The following SCHIP1 variants were observed in gnomAD, a reference collection of about 807,000 sequenced individuals.
SCHIP1 encodes the protein schwannomin-interacting protein 1.
Under a neutral mutation model 29.7 loss-of-function variants are expected in SCHIP1, and 8 were observed. The observed-to-expected ratio is 0.27, with a 90% confidence interval of 0.16 to 0.49. The LOEUF (loss-of-function observed/expected upper bound fraction) is 0.49, where lower values mean the gene tolerates loss of function less well. Among genes scored for constraint, SCHIP1 ranks in the 20% least tolerant of loss-of-function variants. The pLI is 0.99. For synonymous variants in SCHIP1, 76 were observed against 94.9 expected (o/e 0.80, Z 1.16); for missense variants, 193 against 294.6 (o/e 0.66, Z 2.52).
intron 2 of SCHIP1, among the ~76,000 whole-genome samples, chr3:159,876,864 G>A (rs1368679380): frequency 6.6e-6 from 1 of 152,178 alleles, no homozygotes; most frequent in African/African-American, 2.4e-5. Context: ...GAGATGGAGT[G>A]CATCACCTTC....
chr3:159,656,623 C>A, the SCHIP1 span, among the ~76,000 whole-genome samples: 1 of 152,148 alleles, frequency 6.6e-6, no homozygotes, highest in African/African-American at 2.4e-5. Context: ...TCGGTTTTCT[C>A]ATCTGAATTA....
the SCHIP1 span, among the ~76,000 whole-genome samples, chr3:159,800,756 T>C: frequency 6.6e-6 from 1 of 151,930 alleles, no homozygotes; most frequent in Non-Finnish European, 1.5e-5. Flanking sequence ...GTGTGCGAGC[T>C]CAGATACCTT....
the SCHIP1 span, among the ~76,000 whole-genome samples, chr3:159,485,955 C>T: frequency 6.6e-6 from 1 of 152,136 alleles, no homozygotes; most frequent in Non-Finnish European, 1.5e-5. Context: ...TCAGTTCCTA[C>T]CTCCCAGGTG....
the SCHIP1 span, among the ~76,000 whole-genome samples, chr3:159,708,717 A>C: frequency 3.3e-3 from 510 of 152,296 alleles, 1 homozygote; most frequent in Non-Finnish European, 5.8e-3. Context: ...CGTACGCAGG[A>C]ACTAGCAAGC....
the SCHIP1 span, among the ~76,000 whole-genome samples, chr3:159,545,641 A>C: frequency 6.8e-6 from 1 of 147,946 alleles, no homozygotes; most frequent in African/African-American, 2.5e-5. Context: ...AATATATACA[A>C]TATACATATA....
the SCHIP1 span, among the ~76,000 whole-genome samples, chr3:159,795,209 T>C: frequency 6.6e-6 from 1 of 152,306 alleles, no homozygotes; most frequent in South Asian, 2.1e-4. Context: ...TAGAGCAGGA[T>C]AGAACCAAAC....
the SCHIP1 span, among the ~76,000 whole-genome samples, chr3:159,485,235 C>A: frequency 7.2e-5 from 11 of 152,164 alleles, no homozygotes; most frequent in African/African-American, 2.2e-4. Flanking sequence ...AGCTCAGGAG[C>A]CAGCCTGCCT....
At chr3:159,346,019 C>A in the SCHIP1 span, among the ~76,000 whole-genome samples, 2 of 151,808 alleles carry the variant, frequency 1.3e-5, no homozygotes, top group Non-Finnish European at 2.9e-5. Context: ...CAGAAGGAAA[C>A]CCTGTCTCTA....
the SCHIP1 span, among the ~76,000 whole-genome samples, chr3:159,502,198 A>G: frequency 2.6e-5 from 4 of 152,346 alleles, no homozygotes; most frequent in Non-Finnish European, 4.4e-5. Context: ...GGACAAAGAC[A>G]TACTAACCTC....
chr3:159,492,404 A>C, the SCHIP1 span, among the ~76,000 whole-genome samples: 1 of 152,236 alleles, frequency 6.6e-6, no homozygotes, highest in African/African-American at 2.4e-5. Context: ...AGAAGTCCTT[A>C]AAGGACCTGA....
chr3:159,797,459 C>G, the SCHIP1 span, among the ~76,000 whole-genome samples: 4 of 152,114 alleles, frequency 2.6e-5, no homozygotes, highest in Non-Finnish European at 5.9e-5. Flanking sequence ...TGTTATTAGT[C>G]TAATTCTGTG....
intron 6 of SCHIP1, chr3:159,893,625 CCCT>C (rs1466518280): frequency 6.6e-6 from 1 of 151,976 alleles, no homozygotes; most frequent in African/African-American, 2.4e-5. Context: ...AAGAAGAGGC[CCCT>C]CCTCTTCTCT....
At chr3:159,630,758 TAG>T in the SCHIP1 span, among the ~76,000 whole-genome samples, 1 of 152,100 alleles carries the variant, frequency 6.6e-6, no homozygotes, top group African/African-American at 2.4e-5. Flanking sequence ...GACTACAAAT[TAG>T]GTACGGTGTA....
the SCHIP1 span, among the ~76,000 whole-genome samples, chr3:159,601,225 A>C: frequency 6.6e-6 from 1 of 152,142 alleles, no homozygotes; most frequent in African/African-American, 2.4e-5. Context: ...GGTGTGGGTG[A>C]TAGCAGTAGC....
chr3:159,669,478 G>A, the SCHIP1 span, among the ~76,000 whole-genome samples: 1 of 152,210 alleles, frequency 6.6e-6, no homozygotes, highest in African/African-American at 2.4e-5. Context: ...GATGTGATGT[G>A]ATAGGATTCT....
the SCHIP1 span, among the ~76,000 whole-genome samples, chr3:159,424,450 A>T: frequency 6.6e-6 from 1 of 152,226 alleles, no homozygotes; most frequent in African/African-American, 2.4e-5. Flanking sequence ...GTGACGGAAG[A>T]TGAAATGAAT....
At chr3:159,868,090 CGTAT>C (rs1186350509) in intron 2 of SCHIP1, among the ~76,000 whole-genome samples, 1 of 148,098 alleles carries the variant, frequency 6.8e-6, no homozygotes, top group African/African-American at 2.5e-5. Flanking sequence ...ATATAACATA[CGTAT>C]ATATTAGCTA....
chr3:159,710,616 G>C, the SCHIP1 span, among the ~76,000 whole-genome samples: 1 of 152,040 alleles, frequency 6.6e-6, no homozygotes. Context: ...TATTCCACAA[G>C]GTATACATGT....
At chr3:159,777,183 G>A in the SCHIP1 span, among the ~76,000 whole-genome samples, 3 of 152,284 alleles carry the variant, frequency 2.0e-5, no homozygotes, top group South Asian at 2.1e-4. Flanking sequence ...ACTGCCCCTA[G>A]GCTACCAGTT....
Sources: allele counts gnomAD v4.1 joint callset (sites outside exome capture counted in the v4.1 genomes callset), GRCh38; gene constraint gnomAD v4.1.1; transcripts MANE v1.5; gene names NCBI Gene and HGNC (gene_info 2026-07-23, HGNC 2026-07-21).